Variants in ABTB2 observed in about 807,000 individuals in gnomAD.
ABTB2 encodes the protein ankyrin repeat and BTB domain containing 2.
ABTB2 carries 56 observed loss-of-function variants against 104.1 expected under a neutral mutation model. The ratio of observed to expected loss-of-function variants is 0.54; its 90% CI spans 0.43 to 0.67. The LOEUF (loss-of-function observed/expected upper bound fraction) is 0.67, where lower values mean the gene tolerates loss of function less well. Among genes scored for constraint, ABTB2 ranks in the 30% least tolerant of loss-of-function variants. The probability of loss-of-function intolerance (pLI) is 0.00; values close to 1 mark genes in which losing one functional copy is unlikely to be tolerated. For synonymous variants in ABTB2, 606 were observed against 608.2 expected (o/e 1.00, Z 0.05); for missense variants, 1,279 against 1,407.7 (o/e 0.91, Z 1.46).
intron 1 of ABTB2, among the ~76,000 whole-genome samples, chr11:34,291,499 T>G (rs550762778): frequency 6.6e-6 from 1 of 152,266 alleles, no homozygotes; most frequent in South Asian, 2.1e-4. Context: ...AAGTTTATTT[T>G]TATTTTTATT....
At chr11:34,170,128 C>G (rs992327680) in intron 5 of ABTB2, among the ~76,000 whole-genome samples, 5 of 152,176 alleles carry the variant, frequency 3.3e-5, no homozygotes, top group African/African-American at 1.2e-4. Flanking sequence ...AGGCTGGGTC[C>G]AGCTGCTCAG....
chr11:34,169,251 C>T (rs980794940), intron 5 of ABTB2, among the ~76,000 whole-genome samples: 70 of 152,284 alleles, frequency 4.6e-4, no homozygotes, highest in African/African-American at 1.7e-3. Flanking sequence ...TTCCCTTGTC[C>T]CTGTCCCCAC....
chr11:34,352,398 G>A (rs1294119176), intron 1 of ABTB2, among the ~76,000 whole-genome samples: 1 of 151,936 alleles, frequency 6.6e-6, no homozygotes, highest in Admixed American at 6.6e-5. Flanking sequence ...CCATTACCCT[G>A]CCCTTTAAAA....
chr11:34,162,579 G>A lies in ABTB2; in HGVS notation c.2215C>T (p.Leu739=), dbSNP rs767313464. The part of the protein sequence containing the change: ...YVDITMELRA[L]GVPWKLHIWI... ...GTGCATGCCCGTGAGGCCTCACCCA[G>A]TGCCCTCAGCTCCATGGTGATGTCC... Residue 739 remains leucine, a synonymous_variant, in exon 10 of 17, where the codon CTG becomes TTG. Coordinates refer to ENST00000435224, the MANE Select transcript of ABTB2 (RefSeq NM_145804.3). The A allele has an allele frequency of 6.2e-7, 1 of 1,613,252 alleles. No homozygotes were observed. Among genetic ancestry groups the A allele is most frequent in the South Asian group, 1.1e-5 (1 of 91,060 alleles).
At chr11:34,212,245 C>T (rs552525515) in intron 1 of ABTB2, among the ~76,000 whole-genome samples, 14 of 152,142 alleles carry the variant, frequency 9.2e-5, no homozygotes, top group African/African-American at 2.9e-4. Context: ...TTAGTAGAGA[C>T]GGGGTTTCGC....
chr11:34,339,358 C>T (rs1855234848), intron 1 of ABTB2, among the ~76,000 whole-genome samples: 1 of 152,228 alleles, frequency 6.6e-6, no homozygotes, highest in Non-Finnish European at 1.5e-5. Context: ...CCACACCCCA[C>T]TCCACACCAC....
chr11:34,217,684 A>G (rs562546465), intron 1 of ABTB2, among the ~76,000 whole-genome samples: 1 of 151,570 alleles, frequency 6.6e-6, no homozygotes, highest in Middle Eastern at 3.4e-3. Flanking sequence ...CTGATCTTGA[A>G]CTCCTAACCT....
chr11:34,282,705 T>G (rs893959055), intron 1 of ABTB2, among the ~76,000 whole-genome samples: 2 of 151,690 alleles, frequency 1.3e-5, no homozygotes, highest in Non-Finnish European at 2.9e-5. Context: ...TTTTTTTTCT[T>G]TTTTTTAGTA....
chr11:34,274,799 C>A (rs1224585710), intron 1 of ABTB2, among the ~76,000 whole-genome samples: 4 of 151,934 alleles, frequency 2.6e-5, no homozygotes, highest in African/African-American at 7.3e-5. Context: ...CAGTCTTGGC[C>A]GAGTGCAGTA....
intron 3 of ABTB2, among the ~76,000 whole-genome samples, chr11:34,177,871 C>T (rs886529964): frequency 5.3e-5 from 8 of 152,076 alleles, no homozygotes; most frequent in Admixed American, 3.9e-4. Context: ...CTGGCTGCAA[C>T]GCCTTCTTGA....
chr11:34,235,091 G>A (rs928297292), intron 1 of ABTB2, among the ~76,000 whole-genome samples: 29 of 152,070 alleles, frequency 1.9e-4, no homozygotes, highest in African/African-American at 6.5e-4. Context: ...TCGATCTCCT[G>A]ACCTTGTGAT....
At chr11:34,304,606 GC>G (rs578045153) in intron 1 of ABTB2, among the ~76,000 whole-genome samples, 17 of 152,132 alleles carry the variant, frequency 1.1e-4, no homozygotes, top group Non-Finnish European at 7.3e-5. Context: ...GATCACTTGA[GC>G]CCAGGAGTTT....
At chr11:34,334,980 T>C (rs1314044278) in intron 1 of ABTB2, 1 of 522,182 alleles carries the variant, frequency 1.9e-6, no homozygotes, top group Admixed American at 3.4e-5. Flanking sequence ...CCCATATCAC[T>C]TACCAATGTT....
At chr11:34,217,394 GT>G (rs1439827727) in intron 1 of ABTB2, among the ~76,000 whole-genome samples, 19 of 152,188 alleles carry the variant, frequency 1.2e-4, no homozygotes, top group Non-Finnish European at 2.6e-4. Flanking sequence ...TTGCTTCCAA[GT>G]TTGGCAATTC....
chr11:34,309,095 A>C (rs1024407879), intron 1 of ABTB2, among the ~76,000 whole-genome samples: 2 of 152,200 alleles, frequency 1.3e-5, no homozygotes, highest in South Asian at 4.1e-4. Context: ...AAAGAAGCGT[A>C]AACTTCAGGC....
Position 34,357,056 on chromosome 11 carries a change from C to T in ABTB2, c.528G>A (p.Leu176=). 2 of 1,526,748 alleles carry T rather than the reference C, an allele frequency of 1.3e-6. No individual in the cohort carries two copies. The highest frequency in any genetic ancestry group is 1.8e-6 in the Non-Finnish European group (2 of 1,138,350). 94.6% of individuals were successfully genotyped at this position (1,526,748 alleles called of 1,614,324 possible). Residue 176 remains leucine (L), a synonymous_variant, in exon 1 of 17, where the codon CTG becomes CTA. Transcript: ENST00000435224. ...HSWALAESCA[L]AAVKALSLYS... ...ACAGGGACAGCGCCTTGACGGCTGC[C>T]AGCGCGCAGCTCTCGGCCAGCGCCC...
chr11:34,224,232 A>T (rs1310305482), intron 1 of ABTB2, among the ~76,000 whole-genome samples: 1 of 151,306 alleles, frequency 6.6e-6, no homozygotes, highest in Non-Finnish European at 1.5e-5. Context: ...CCTGGACTCA[A>T]CTCCTGGACT....
rs555978832 is a variant in ABTB2, at chr11:34,299,142, T to C, written c.883+57559A>G. Among the ~76,000 whole-genome samples, 426 of 152,266 alleles carry C rather than the reference T, an allele frequency of 2.8e-3. 2 individuals carry two copies. Among genetic ancestry groups the C allele is most frequent in the African/African-American group, 9.7e-3 (405 of 41,544 alleles). ...GCAGATGTTTTTCTGGAATGGCTGG[T>C]GATTGTAAAATAGGAAGAACTAAAA... On this transcript the variant is annotated intron_variant, in intron 1 of 16. Coordinates refer to ENST00000435224, the MANE Select transcript of ABTB2 (RefSeq NM_145804.3).
At chr11:34,171,126 A>G (rs1852869173) in intron 4 of ABTB2, 55 bp from the exon 5 acceptor site, 1 of 1,568,960 alleles carries the variant, frequency 6.4e-7, no homozygotes, top group Non-Finnish European at 8.7e-7. Context: ...GCAACTTTCA[A>G]TGATGTGACA....
Sources: allele counts gnomAD v4.1 joint callset (sites outside exome capture counted in the v4.1 genomes callset), GRCh38; gene constraint gnomAD v4.1.1; transcripts MANE v1.5; gene names NCBI Gene and HGNC (gene_info 2026-07-23, HGNC 2026-07-21).